Variants in HDAC7 observed in about 807,000 individuals in gnomAD.
HDAC7 encodes the protein histone deacetylase 7A.
Under a neutral mutation model 115.5 loss-of-function variants are expected in HDAC7, and 26 were observed. That is an observed-to-expected ratio of 0.23 (90% CI 0.16 to 0.31). The LOEUF (loss-of-function observed/expected upper bound fraction) is 0.31, where lower values mean the gene tolerates loss of function less well. Among genes scored for constraint, HDAC7 ranks in the 10% least tolerant of loss-of-function variants. The probability of loss-of-function intolerance (pLI) is 1.00; values close to 1 mark genes in which losing one functional copy is unlikely to be tolerated. For synonymous variants in HDAC7, 564 were observed against 550.9 expected, an observed-to-expected ratio of 1.02 and a Z score of -0.33; for missense variants, 1,068 against 1,329.0, an observed-to-expected ratio of 0.80 and a Z score of 3.05.
rs755895525 is a variant in HDAC7 at position 47,791,715 on chromosome 12, G to C, written c.1813-9C>G. 1 of 1,613,468 alleles carries C rather than the reference G, an allele frequency of 6.2e-7. No individual in the cohort carries two copies. Among genetic ancestry groups the C allele is most frequent in the South Asian group, 1.1e-5 (1 of 91,046 alleles). On this transcript the variant is annotated splice_polypyrimidine_tract_variant and intron_variant, in intron 14 of 25. Coordinates refer to ENST00000080059, the MANE Select transcript of HDAC7 (RefSeq NM_015401.5). ...TTCCGGCCTCGGAGACACTGAAAAG[G>C]GGACCACAGAGCTCTGAGCTCATGC...
intron 1 of HDAC7, among the ~76,000 whole-genome samples, chr12:47,809,728 G>C (rs1944570230): frequency 6.6e-6 from 1 of 151,528 alleles, no homozygotes; most frequent in African/African-American, 2.4e-5. Flanking sequence ...GCGCCAACAT[G>C]CCTGGCTAAT....
At chr12:47,815,770 C>G (rs1944830965) in intron 1 of HDAC7, among the ~76,000 whole-genome samples, 1 of 152,160 alleles carries the variant, frequency 6.6e-6, no homozygotes, top group Non-Finnish European at 1.5e-5. Flanking sequence ...CGCCACCATG[C>G]CTGGCTAAAT....
chr12:47,798,256 T>G lies in HDAC7; in HGVS notation c.350-37A>C, dbSNP rs1181664321. ...GAGTCAGGAGGGGGCTGGAGGTGGG[T>G]GGACAGGCGGCCTCGTGGCACTACC... On this transcript the variant is annotated intron_variant, in intron 4 of 25. Transcript: ENST00000080059. The surrounding 1 kb of genome is among the most constrained non-coding windows in gnomAD (Gnocchi z 4.3). 6.6e-7 allele frequency: 1 copy of G among 1,525,392 alleles called. No homozygotes were observed. The highest frequency in any genetic ancestry group is 9.1e-7 in the Non-Finnish European group (1 of 1,100,882). The allele number at this position is 1,525,392 out of a possible 1,614,324, so 94.5% of individuals were successfully genotyped here. A position where few individuals can be genotyped will look rare whatever the true frequency, so the allele number is the denominator to read the frequency against.
chr12:47,786,612 G>T lies in HDAC7; in HGVS notation c.2545C>A (p.Leu849Met). 3 of 1,613,826 alleles carry T rather than the reference G, an allele frequency of 1.9e-6. No individual in the cohort carries two copies. The highest frequency in any genetic ancestry group is 2.5e-6 in the Non-Finnish European group (3 of 1,179,806). Residue 849 changes from leucine to methionine, a missense_variant, in exon 22 of 26, where the codon CTG becomes ATG. Coordinates refer to ENST00000080059, the MANE Select transcript of HDAC7 (RefSeq NM_015401.5). ...FDAAEGHPAP[L>M]GGYHVSAKCF... ...TTGGCAGAAACATGGTAGCCACCCA[G>T]TGGGGCCGGGTGACCCTCAGCAGCA...
intron 16 of HDAC7, 192 bp downstream of exon 16, chr12:47,791,067 A>G (rs1047735597): frequency 1.6e-6 from 1 of 624,554 alleles, no homozygotes; most frequent in African/African-American, 1.8e-5. Context: ...TTCGGGGGAG[A>G]CTGTGGGTCC....
rs770634284 is a variant in HDAC7 at position 47,795,646 on chromosome 12, G to A, written c.1028C>T (p.Ser343Phe). ...CAGGAGGAGAATGGGCTGCAGGCGA[G>A]AGGGCAAGGTGCCCCCAGCCTCGGG... The part of the protein sequence containing the change: ...LEPEAGGTLP[S>F]RLQPILLLDP... Residue 343 changes from serine to phenylalanine, a missense_variant, in exon 10 of 26, where the codon TCT (serine) becomes TTT (phenylalanine). Around this residue, in one of 6 missense-constraint regions of HDAC7, gnomAD observed 618 missense variants for 701.5 expected, o/e 0.88. Transcript: ENST00000080059. This position sits in a 1 kb window ranked among gnomAD's most constrained non-coding sequence, Gnocchi z 4.3. 10 of 1,555,368 alleles carry A rather than the reference G, an allele frequency of 6.4e-6. No individual in the cohort carries two copies. The highest frequency in any genetic ancestry group is 1.4e-5 in the African/African-American group (1 of 73,386).
rs114903121 is a variant in HDAC7 at position 47,812,232 on chromosome 12, T to C, written c.19+7535A>G. The stretch of plus-strand genomic sequence containing the variant: ...AGGGAGTGAACAAGAGAAGCAGGGG[T>C]CCACCCTATGACTTCTGGCTACAGC... On this transcript the variant is annotated intron_variant, in intron 1 of 25. Coordinates refer to ENST00000080059, the MANE Select transcript of HDAC7 (RefSeq NM_015401.5). 7.8e-3 allele frequency among the ~76,000 whole-genome samples: 1,190 copies of C among 151,998 alleles called. 28 individuals are homozygous for C. The highest frequency in any genetic ancestry group is 0.028 in the African/African-American group (1,155 of 41,422).
chr12:47,788,659 G>C (rs1185205609), intron 19 of HDAC7: 1 of 154,130 alleles, frequency 6.5e-6, no homozygotes, highest in African/African-American at 2.4e-5. Context: ...AGTGTGCAAA[G>C]GTCCTCCACC....
At chr12:47,816,789 G>A (rs1209111703) in intron 1 of HDAC7, among the ~76,000 whole-genome samples, 2 of 152,118 alleles carry the variant, frequency 1.3e-5, no homozygotes, top group South Asian at 4.1e-4. Flanking sequence ...GGGATGGGTT[G>A]GGAGGAAACA....
intron 1 of HDAC7, 35 bp downstream of exon 1, chr12:47,819,732 C>T: frequency 1.4e-6 from 1 of 730,330 alleles, no homozygotes; most frequent in African/African-American, 1.9e-5. Flanking sequence ...GTGCCGCGCG[C>T]AGGGCGGGGC....
chr12:47,791,829 C>T (rs775368620), intron 14 of HDAC7, 42 bp downstream of exon 14: 2 of 1,496,392 alleles, frequency 1.3e-6, no homozygotes, highest in East Asian at 2.3e-5. Context: ...CCCATGACTC[C>T]TCCCTCCACC....
At position 47,784,074 on chromosome 12, in the gene HDAC7, A is replaced by T. The variant is rs61751601; in HGVS notation, c.2930+5T>A. The T allele has an allele frequency of 2.5e-5, 41 of 1,612,810 alleles. No homozygotes were observed. Among genetic ancestry groups the T allele is most frequent in the Non-Finnish European group, 3.1e-5 (36 of 1,179,642 alleles). ...GTGGGCCCAGGGCCAGGGGTCTGGCATTACCTATCTTCAGCCAGGATGCCC... is the reference window on the plus strand; with the variant it reads ...GTGGGCCCAGGGCCAGGGGTCTGGCTTTACCTATCTTCAGCCAGGATGCCC... On this transcript the variant is annotated splice_donor_5th_base_variant and intron_variant, in intron 25 of 25. Transcript: ENST00000080059.
chr12:47,793,554 C>T lies in HDAC7; in HGVS notation c.1493G>A (p.Arg498Gln), dbSNP rs149671930. 2,223 of 1,545,694 alleles carry T rather than the reference C, an allele frequency of 1.4e-3. 3 individuals carry two copies. Among genetic ancestry groups the T allele is most frequent in the Non-Finnish European group, 1.4e-3 (1,633 of 1,145,426 alleles). The change falls in exon 13 of 26, where the codon CGG becomes CAG. Residue 498 changes from arginine to glutamine, a missense_variant. By Grantham distance (43) the Arg-to-Gln change is conservative (BLOSUM62 1). Transcript: ENST00000080059. The surrounding 1 kb of genome is among the most constrained non-coding windows in gnomAD (Gnocchi z 4.5). ...LLWEQQRLAGRLPRGSTGDTV... is the reference protein window; with the variant it reads ...LLWEQQRLAGQLPRGSTGDTV... The stretch of plus-strand genomic sequence containing the variant: ...GTCCCCGGTGCTGCCCCGGGGGAGC[C>T]GCCCAGCCAGTCGCTGCTGTTCCCA...
chr12:47,785,285 A>C, intron 24 of HDAC7, 102 bp downstream of exon 24: 2 of 933,976 alleles, frequency 2.1e-6, no homozygotes, highest in Non-Finnish European at 3.3e-6. Flanking sequence ...ACAGCAGGTC[A>C]CCTGGCTGGC....
intron 20 of HDAC7, 90 bp downstream of exon 20, chr12:47,787,955 C>G: frequency 3.8e-6 from 6 of 1,581,214 alleles, no homozygotes. Context: ...GCAGTCTGCC[C>G]AGGATCACAC....
At chr12:47,796,460 G>A (rs1943851448) in intron 7 of HDAC7, among the ~76,000 whole-genome samples, 162 bp from the exon 8 acceptor site, 1 of 143,902 alleles carries the variant, frequency 6.9e-6, no homozygotes, top group Non-Finnish European at 1.5e-5. Context: ...GTCTTGCTCT[G>A]TTGCCCAGGC....
chr12:47,809,759 C>G (rs1385181636), intron 1 of HDAC7, among the ~76,000 whole-genome samples: 1 of 151,436 alleles, frequency 6.6e-6, no homozygotes, highest in African/African-American at 2.4e-5. Flanking sequence ...TTAGTAGAGA[C>G]GGGGTTTCAC....
chr12:47,804,826 T>C (rs1944325579), intron 1 of HDAC7, among the ~76,000 whole-genome samples: 1 of 151,832 alleles, frequency 6.6e-6, no homozygotes. Flanking sequence ...CAAACACAAT[T>C]CTAAGCACCT....
chr12:47,798,303 C>CCTCA lies in HDAC7; in HGVS notation c.350-88_350-85dup, dbSNP rs1943978194. 1.0e-5 allele frequency: 12 copies of CCTCA among 1,150,084 alleles called. No individual in the cohort carries two copies. Among genetic ancestry groups the CCTCA allele is most frequent in the Non-Finnish European group, 1.6e-5 (12 of 765,570 alleles). The allele number at this position is 1,150,084 out of a possible 1,614,324, so 71.2% of individuals were successfully genotyped here. A position where few individuals can be genotyped will look rare whatever the true frequency, so the allele number is the denominator to read the frequency against. ...TACCTGGCCACTGCCCTGTCCCCAT[C>CCTCA]CTCAGTAGGAGGCGTCCCAGGGACT... On this transcript the variant is annotated intron_variant, in intron 4 of 25. Coordinates refer to ENST00000080059, the MANE Select transcript of HDAC7 (RefSeq NM_015401.5). The surrounding 1 kb of genome is among the most constrained non-coding windows in gnomAD (Gnocchi z 4.3).
Sources: gnomAD v4.1 joint callset for allele counts (sites outside exome capture counted in the v4.1 genomes callset) on GRCh38, gnomAD v4.1.1 for gene constraint, gnomAD v4.1.1 regional missense constraint, Gnocchi (gnomAD v3.1) non-coding constraint, MANE v1.5 for transcripts, NCBI Gene and HGNC (gene_info 2026-07-23, HGNC 2026-07-21) for gene names.